Variants in STX1A observed in about 807,000 individuals in gnomAD.
The protein encoded by STX1A is syntaxin 1A.
In STX1A, 4 loss-of-function variants were observed where a neutral mutation model predicts 37.8. The ratio of observed to expected loss-of-function variants is 0.11; its 90% CI spans 0.05 to 0.24. STX1A has a LOEUF of 0.24. Among genes scored for constraint, STX1A ranks in the 10% least tolerant of loss-of-function variants. The pLI is 1.00. For missense variants in STX1A, 251 were observed against 399.9 expected (o/e 0.63, Z 3.18); for synonymous variants, 135 against 147.4 (o/e 0.92, Z 0.61).
chr7:73,711,065 T>C (rs531637367), intron 1 of STX1A, among the ~76,000 whole-genome samples: 1 of 152,262 alleles, frequency 6.6e-6, no homozygotes, highest in African/African-American at 2.4e-5. Flanking sequence ...CATAACTCCC[T>C]GTAGCCTCAA....
chr7:73,718,867 T>C (rs1584261389), intron 1 of STX1A, among the ~76,000 whole-genome samples: 1 of 150,752 alleles, frequency 6.6e-6, no homozygotes. Flanking sequence ...GAAAAATAGA[T>C]CCAAGTCGCA....
intron 1 of STX1A, among the ~76,000 whole-genome samples, chr7:73,718,946 G>A (rs1254490703): frequency 1.4e-5 from 2 of 138,534 alleles, no homozygotes; most frequent in African/African-American, 5.5e-5. Flanking sequence ...TAGGTGGACC[G>A]GGGGCGGGTG....
chr7:73,702,717 G>C lies in STX1A; in HGVS notation c.678+128C>G. On this transcript the variant is annotated intron_variant, in intron 8 of 9. Transcript: ENST00000222812. The surrounding 1 kb of genome is among the most constrained non-coding windows in gnomAD (Gnocchi z 4.7). ...GGCCCTGGCGGCAGTTTCAACAGCG[G>C]GTGATTGGTTACCTGAGAACTTGGT... 6.4e-7 allele frequency: 1 copy of C among 1,550,858 alleles called. No individual in the cohort carries two copies. Among genetic ancestry groups the C allele is most frequent in the South Asian group, 1.2e-5 (1 of 82,048 alleles).
chr7:73,703,052 G>A (rs1214966233), intron 7 of STX1A, 70 bp from the exon 8 acceptor site: 13 of 1,222,610 alleles, frequency 1.1e-5, no homozygotes, highest in East Asian at 2.9e-5. Context: ...CGAGGGGGAG[G>A]GCGTTTGGGG....
chr7:73,703,118 C>T, intron 7 of STX1A, 136 bp from the exon 8 acceptor site: 1 of 740,008 alleles, frequency 1.4e-6, no homozygotes. Flanking sequence ...CGCAGCCTTC[C>T]CCGCCTTGCT....
intron 7 of STX1A, chr7:73,703,323 G>T: frequency 1.8e-6 from 1 of 556,468 alleles, no homozygotes; most frequent in Non-Finnish European, 3.4e-6. Context: ...CCTTTCTCCC[G>T]TCCCTTCCCC....
chr7:73,700,951 G>A lies in STX1A; in HGVS notation c.679-111C>T, dbSNP rs566235198. 8.3e-5 allele frequency: 128 copies of A among 1,544,606 alleles called. No homozygotes were observed. The highest frequency in any genetic ancestry group is 9.6e-5 in the East Asian group (4 of 41,810). ...CTGAGGCTAGAGACAAAAAGGGGGC[G>A]TGAGGAGGTTAGGGTACAGCTTCTC... On this transcript the variant is annotated intron_variant, in intron 8 of 9. Coordinates refer to ENST00000222812, the MANE Select transcript of STX1A (RefSeq NM_004603.4). The surrounding 1 kb of genome is among the most constrained non-coding windows in gnomAD (Gnocchi z 4.4).
intron 1 of STX1A, chr7:73,711,400 C>T (rs1799097715): frequency 6.5e-6 from 1 of 153,752 alleles, no homozygotes; most frequent in African/African-American, 2.4e-5. Context: ...AGAGGCGGCT[C>T]AGAGGGGCCT....
intron 7 of STX1A, chr7:73,703,405 T>C: frequency 1.7e-6 from 1 of 585,702 alleles, no homozygotes; most frequent in Non-Finnish European, 3.2e-6. Context: ...AACACCTGTG[T>C]GCCACATCCT....
chr7:73,704,662 G>A, intron 4 of STX1A: 2 of 586,166 alleles, frequency 3.4e-6, no homozygotes, highest in South Asian at 4.0e-5. Flanking sequence ...GCGTGTGTGT[G>A]AGGTCTGGTA....
chr7:73,708,430 C>G (rs1244761462), intron 3 of STX1A, among the ~76,000 whole-genome samples, 159 bp downstream of exon 3: 1 of 152,138 alleles, frequency 6.6e-6, no homozygotes, highest in Admixed American at 6.5e-5. Flanking sequence ...AGCTGCATTT[C>G]CCAAGGCTTC....
In STX1A at chr7:73,717,201, GGGAGGA is replaced by G. The variant is rs1347101316; in HGVS notation, c.30+2395_30+2400del. Among the ~76,000 whole-genome samples the G allele has an allele frequency of 1.3e-4, 19 of 151,678 alleles. No individual in the cohort carries two copies. The highest frequency in any genetic ancestry group is 2.7e-4 in the Non-Finnish European group (18 of 67,882). On this transcript the variant is annotated intron_variant, in intron 1 of 9. Transcript: ENST00000222812. This position sits in a 1 kb window ranked among gnomAD's most constrained non-coding sequence, Gnocchi z 4.1. ...GGGTGGGGGAGAAGGAGAAAGAAGA[GGGAGGA>G]GGAGGAGGAAGAGGGAGGGAGGGAG...
Position 73,709,216 on chromosome 7 carries a change from TC to T in STX1A, c.31-95del. ...GGGTACAGCGCCAGGGCCCTGCCCC[TC>T]CCCCTCTCCCTGGGGGCCTCTGGGC... On this transcript the variant is annotated intron_variant, in intron 1 of 9. Coordinates refer to ENST00000222812, the MANE Select transcript of STX1A (RefSeq NM_004603.4). This position sits in a 1 kb window ranked among gnomAD's most constrained non-coding sequence, Gnocchi z 4.2. 3 of 1,231,554 alleles carry T rather than the reference TC, an allele frequency of 2.4e-6. No homozygotes were observed. The highest frequency in any genetic ancestry group is 3.5e-6 in the Non-Finnish European group (3 of 858,470). 76.3% of individuals were successfully genotyped at this position (1,231,554 alleles called of 1,614,324 possible).
chr7:73,719,488 G>A (rs1438252850), intron 1 of STX1A, 114 bp downstream of exon 1: 3 of 1,059,290 alleles, frequency 2.8e-6, no homozygotes, highest in Non-Finnish European at 3.5e-6. Context: ...CTTCAGCCCT[G>A]GCTGGGGGCG....
Position 73,700,374 on chromosome 7 carries a change from C to A in STX1A, c.*33G>T, listed in dbSNP as rs1016441227. 1 of 1,611,868 alleles carries A rather than the reference C, an allele frequency of 6.2e-7. No homozygotes were observed. Among genetic ancestry groups the A allele is most frequent in the South Asian group, 1.1e-5 (1 of 91,018 alleles). ...GCAGCCAGGGCCTCCTTGGAGTGGC[C>A]CACCTGGAGTGGAGTGGCAGTTTGG... On this transcript the variant is annotated 3_prime_UTR_variant, in exon 10 of 10. Coordinates refer to ENST00000222812, the MANE Select transcript of STX1A (RefSeq NM_004603.4). This position sits in a 1 kb window ranked among gnomAD's most constrained non-coding sequence, Gnocchi z 4.4.
chr7:73,703,297 C>T (rs1054136391), intron 7 of STX1A: 19 of 551,396 alleles, frequency 3.4e-5, no homozygotes, highest in Non-Finnish European at 6.4e-5. Flanking sequence ...GCCCCGTGGA[C>T]CCAAGCCTGG....
chr7:73,704,164 C>G lies in STX1A; in HGVS notation c.450G>C (p.Gln150His), dbSNP rs1798782846. ...DYRERCKGRI[Q>H]RQLEITGRTT... ...CCAGCTCACTGATCTCCAGCTGCCT[C>G]TGGATGCGGCCTTTGCAGCGCTCGC... The change falls in exon 6 of 10, where the codon CAG becomes CAC. Residue 150 changes from glutamine (Q) to histidine (H), a missense_variant. Physicochemically the swap from Gln to His is conservative, Grantham distance 24 (BLOSUM62 0). This residue lies in a region of STX1A where 214 missense variants were observed against 367.6 expected (regional missense o/e 0.58). Coordinates refer to ENST00000222812, the MANE Select transcript of STX1A (RefSeq NM_004603.4). 1.2e-6 allele frequency: 2 copies of G among 1,611,160 alleles called. No individual in the cohort carries two copies. Among genetic ancestry groups the G allele is most frequent in the African/African-American group, 1.3e-5 (1 of 74,856 alleles).
Position 73,700,238 on chromosome 7 carries a change from G to A in STX1A, c.*169C>T, listed in dbSNP as rs568723585. On this transcript the variant is annotated 3_prime_UTR_variant, in exon 10 of 10. Coordinates refer to ENST00000222812, the MANE Select transcript of STX1A (RefSeq NM_004603.4). The surrounding 1 kb of genome is among the most constrained non-coding windows in gnomAD (Gnocchi z 4.4). ...GCACACTCACAGAGATCATGCACAC[G>A]ACACGGGGCGGGGACGGAGGGCCCA... The A allele has an allele frequency of 2.1e-5, 14 of 657,360 alleles. No individual in the cohort carries two copies. Among genetic ancestry groups the A allele is most frequent in the East Asian group, 5.4e-5 (2 of 36,808 alleles). 40.7% of individuals were successfully genotyped at this position (657,360 alleles called of 1,614,324 possible). A position where few individuals can be genotyped will look rare whatever the true frequency, so the allele number is the denominator to read the frequency against.
At chr7:73,718,965 C>G (rs537034776) in intron 1 of STX1A, among the ~76,000 whole-genome samples, 3 of 152,000 alleles carry the variant, frequency 2.0e-5, no homozygotes, top group Admixed American at 6.5e-5. Flanking sequence ...TGTGACGCCC[C>G]CCCCCCCATA....
Sources: allele counts gnomAD v4.1 joint callset (sites outside exome capture counted in the v4.1 genomes callset), GRCh38; gene constraint gnomAD v4.1.1; regional missense constraint gnomAD v4.1.1; non-coding constraint Gnocchi (gnomAD v3.1); transcripts MANE v1.5; gene names NCBI Gene and HGNC (gene_info 2026-07-23, HGNC 2026-07-21).